Variants in ENTPD6 observed in about 807,000 individuals in gnomAD.
ENTPD6 encodes ectonucleoside triphosphate diphosphohydrolase 6.
In ENTPD6, 46 loss-of-function variants were observed where a neutral mutation model predicts 61.5. The observed-to-expected ratio is 0.75, with a 90% confidence interval of 0.59 to 0.96. The LOEUF is 0.96. Among genes scored for constraint, ENTPD6 ranks in the 40% least tolerant of loss-of-function variants. The pLI is 0.00. For synonymous variants in ENTPD6, 252 were observed against 255.5 expected, an observed-to-expected ratio of 0.99 and a Z score of 0.13; for missense variants, 612 against 629.0, an observed-to-expected ratio of 0.97 and a Z score of 0.29.
At chr20:25,197,262 G>A in intron 1 of ENTPD6, 1 of 984,368 alleles carries the variant, frequency 1.0e-6, no homozygotes, top group Non-Finnish European at 1.2e-6. Flanking sequence ...GCCAACCAGG[G>A]GACAGGGTAG....
At chr20:25,210,042 T>G (rs2091848797) in intron 4 of ENTPD6, 117 bp downstream of exon 4, 1 of 946,924 alleles carries the variant, frequency 1.1e-6, no homozygotes, top group Non-Finnish European at 1.7e-6. Context: ...CAGTGCTGCC[T>G]GGGCATTTCA....
rs372542162 is a variant in ENTPD6 at position 25,214,960 on chromosome 20, C to T, written c.673+18C>T. The T allele has an allele frequency of 2.8e-5, 44 of 1,568,862 alleles. No homozygotes were observed. In the African/African-American group the frequency reaches 4.9e-4, roughly 17 times the overall value. On this transcript the variant is annotated intron_variant, in intron 6 of 14. Coordinates refer to ENST00000376652, the MANE Select transcript of ENTPD6 (RefSeq NM_001247.5). ...AGATGAAGGTAAATGGCTGGAAGCA[C>T]CTCTGTACAGTGGGGCTGTGCAGTG...
intron 10 of ENTPD6, among the ~76,000 whole-genome samples, chr20:25,218,835 G>A (rs1039670684): frequency 2.0e-5 from 3 of 152,212 alleles, no homozygotes; most frequent in Non-Finnish European, 4.4e-5. Flanking sequence ...ACCCTGATGG[G>A]GCAGGAACCC....
In ENTPD6 at chr20:25,222,994, T is replaced by A; in HGVS notation, c.1186+16T>A. The stretch of plus-strand genomic sequence containing the variant: ...GGCCTCATAGGTAAGGGGGCCCGGA[T>A]GGGCTGAGCAGGAAGGTCGGGGCGG... On this transcript the variant is annotated intron_variant, in intron 12 of 14. Transcript: ENST00000376652. 4.7e-6 allele frequency: 6 copies of A among 1,288,490 alleles called. No homozygotes were observed. Among genetic ancestry groups the A allele is most frequent in the Non-Finnish European group, 6.3e-6 (6 of 957,690 alleles). The allele number at this position is 1,288,490 out of a possible 1,614,324, so 79.8% of individuals were successfully genotyped here.
At chr20:25,215,815 AC>A in intron 7 of ENTPD6, 104 bp downstream of exon 7, 1 of 1,245,806 alleles carries the variant, frequency 8.0e-7, no homozygotes. Context: ...CTTTAAGATA[AC>A]CCCTCAGGGT....
chr20:25,205,381 G>A (rs980482585), intron 1 of ENTPD6, among the ~76,000 whole-genome samples: 1 of 152,194 alleles, frequency 6.6e-6, no homozygotes, highest in African/African-American at 2.4e-5. Flanking sequence ...CAAGTATTCT[G>A]GGAATGCGTA....
At chr20:25,224,437 G>T in intron 13 of ENTPD6, 1 of 285,498 alleles carries the variant, frequency 3.5e-6, no homozygotes, top group Non-Finnish European at 6.6e-6. Context: ...GTTCATGATT[G>T]TCACACAACC....
intron 10 of ENTPD6, among the ~76,000 whole-genome samples, chr20:25,219,145 T>C (rs2092511742): frequency 6.6e-6 from 1 of 152,254 alleles, no homozygotes; most frequent in South Asian, 2.1e-4. Flanking sequence ...CCTTCCAAAG[T>C]GCTGGGATTA....
At chr20:25,196,218 G>C in intron 1 of ENTPD6, 1 of 1,170,618 alleles carries the variant, frequency 8.5e-7, no homozygotes, top group Non-Finnish European at 1.1e-6. Context: ...GGATGAGCCC[G>C]GCGGGGAAGC....
Position 25,221,272 on chromosome 20 carries a change from C to T in ENTPD6, c.984C>T (p.Pro328=). The change falls in exon 11 of 15, where the codon CCC becomes CCT. Residue 328 remains proline, a synonymous_variant. Coordinates refer to ENST00000376652, the MANE Select transcript of ENTPD6 (RefSeq NM_001247.5). The part of the protein sequence containing the change: ...GKELVSPCLS[P]SFKGEWEHAE... ...AGTTGGTCAGCCCTTGCTTGTCTCC[C>T]AGTTTCAAAGGAGAGTGGGAACACG... is the stretch of plus-strand genomic sequence containing the variant. The T allele has an allele frequency of 6.2e-7, 1 of 1,614,164 alleles. No individual in the cohort carries two copies. The highest frequency in any genetic ancestry group is 1.1e-5 in the South Asian group (1 of 91,078).
Position 25,206,551 on chromosome 20 carries a change from C to G in ENTPD6, c.15C>G (p.Ile5Met). The change falls in exon 2 of 15, where the codon ATC becomes ATG. Residue 5 changes from isoleucine (I) to methionine (M), a missense_variant. Coordinates refer to ENST00000376652, the MANE Select transcript of ENTPD6 (RefSeq NM_001247.5). Reference sequence around the variant, plus strand: ...GGGCTATGTGAATGAAAAAAGGTATCCGTTATGAAACTTCCAGAAAAACGA... The same window carrying G: ...GGGCTATGTGAATGAAAAAAGGTATGCGTTATGAAACTTCCAGAAAAACGA... MKKGIRYETSRKTSY... is the reference protein window; with the variant it reads MKKGMRYETSRKTSY... 6.2e-7 allele frequency: 1 copy of G among 1,613,750 alleles called. No individual in the cohort carries two copies. The highest frequency in any genetic ancestry group is 8.5e-7 in the Non-Finnish European group (1 of 1,179,636).
chr20:25,195,906 G>A, intron 1 of ENTPD6, 39 bp downstream of exon 1: 2 of 1,227,488 alleles, frequency 1.6e-6, no homozygotes, highest in Middle Eastern at 3.1e-4. Flanking sequence ...GGCGGCCGGG[G>A]ATCACCGACT....
chr20:25,207,480 T>A (rs2091605313), intron 3 of ENTPD6, 83 bp downstream of exon 3: 1 of 1,280,940 alleles, frequency 7.8e-7, no homozygotes, highest in African/African-American at 1.5e-5. Flanking sequence ...CAGACTCACC[T>A]GGGAGCTTGT....
At chr20:25,221,650 C>T (rs1258634994) in intron 11 of ENTPD6, 3 of 413,662 alleles carry the variant, frequency 7.3e-6, no homozygotes, top group African/African-American at 4.1e-5. Flanking sequence ...AGGGCTGGGA[C>T]TGGGAGCCCA....
chr20:25,195,960 C>T, intron 1 of ENTPD6, 93 bp downstream of exon 1: 1 of 1,076,950 alleles, frequency 9.3e-7, no homozygotes, highest in African/African-American at 1.6e-5. Flanking sequence ...CTCCGGAGGA[C>T]GGCCTCGGGG....
intron 4 of ENTPD6, among the ~76,000 whole-genome samples, chr20:25,212,199 T>C (rs1211879345): frequency 6.6e-6 from 1 of 152,196 alleles, no homozygotes; most frequent in Non-Finnish European, 1.5e-5. Flanking sequence ...ACCTTCACTT[T>C]CATGCACACA....
At chr20:25,221,415 G>A (rs756601808) in intron 11 of ENTPD6, 82 bp downstream of exon 11, 19 of 1,058,900 alleles carry the variant, frequency 1.8e-5, no homozygotes, top group Admixed American at 1.3e-4. Context: ...CACATCCCAT[G>A]GGACGTTCCA....
At chr20:25,217,663 C>A (rs2092392049) in intron 9 of ENTPD6, 82 bp downstream of exon 9, 2 of 1,187,302 alleles carry the variant, frequency 1.7e-6, no homozygotes, top group South Asian at 1.2e-5. Flanking sequence ...CTCTTGAGGT[C>A]ATGGATGGCA....
Position 25,217,544 on chromosome 20 carries a change from C to T in ENTPD6, c.841C>T (p.Arg281Trp), listed in dbSNP as rs145110271. Residue 281 changes from arginine (R) to tryptophan (W), a missense_variant, in exon 9 of 15, where the codon CGG becomes TGG. Physicochemically the swap from Arg to Trp is moderately radical, Grantham distance 101. Transcript: ENST00000376652. ...CCCACCCGGCTACCTGACGGCACTG[C>T]GGATGTTTAACAGGACCTACAAGCT... ...ASPPGYLTALRMFNRTYKLYS... is the reference protein window; with the variant it reads ...ASPPGYLTALWMFNRTYKLYS... 159 of 1,614,134 alleles carry T rather than the reference C, an allele frequency of 9.9e-5. No individual in the cohort carries two copies. The highest frequency in any genetic ancestry group is 8.2e-4 in the Middle Eastern group (5 of 6,062).
Sources: allele counts gnomAD v4.1 joint callset (sites outside exome capture counted in the v4.1 genomes callset), GRCh38; gene constraint gnomAD v4.1.1; transcripts MANE v1.5; gene names NCBI Gene and HGNC (gene_info 2026-07-23, HGNC 2026-07-21).